Variants in CDH11 observed in about 807,000 individuals in gnomAD.
CDH11 encodes the protein cadherin 11, also known as cadherin-11.
In CDH11, 11 loss-of-function variants were observed where a neutral mutation model predicts 67.8. The observed-to-expected ratio is 0.16, with a 90% CI of 0.10 to 0.27. The LOEUF is 0.27. Among genes scored for constraint, CDH11 ranks in the 10% least tolerant of loss-of-function variants. CDH11 has a pLI of 1.00. For missense variants in CDH11, 847 were observed against 1,031.2 expected (o/e 0.82, Z 2.45); for synonymous variants, 419 against 400.0 (o/e 1.05, Z -0.57).
In CDH11 at chr16:64,950,919, G is replaced by A. The variant is rs1224561645; in HGVS notation, c.1742C>T (p.Pro581Leu). ...PIVISDGGIP[P>L]MSSTNTLTIK... is the part of the protein sequence containing the mutation. Reference sequence around the variant, plus strand: ...GGTGAGGGTGTTGGTGCTACTCATGGGCGGGATGCCGCCATCGCTGATCAC... The same window carrying A: ...GGTGAGGGTGTTGGTGCTACTCATGAGCGGGATGCCGCCATCGCTGATCAC... Residue 581 changes from proline to leucine, a missense_variant, in exon 12 of 13, where the codon CCC becomes CTC. By Grantham distance (98) the Pro-to-Leu change is moderately conservative. This residue lies in a region of CDH11 where 612 missense variants were observed against 678.7 expected (regional missense o/e 0.90). Coordinates refer to ENST00000268603, the MANE Select transcript of CDH11 (RefSeq NM_001797.4). 1 of 1,614,212 alleles carries A rather than the reference G, an allele frequency of 6.2e-7. No homozygotes were observed. Among genetic ancestry groups the A allele is most frequent in the Non-Finnish European group, 8.5e-7 (1 of 1,180,044 alleles).
chr16:64,950,635 C>T, intron 12 of CDH11, 132 bp downstream of exon 12: 1 of 1,097,948 alleles, frequency 9.1e-7, no homozygotes, highest in Admixed American at 2.8e-5. Flanking sequence ...CCGTACCCCA[C>T]TTCTTTTCTT....
rs550292892 is a variant in CDH11 at position 65,091,338 on chromosome 16, T to A, written c.-298+30542A>T. ...TAGTATTAATTCCAGAAAAGTGAGATGATTATTGTAAAATCTCAGCAGAAG... is the reference window on the plus strand; with the variant it reads ...TAGTATTAATTCCAGAAAAGTGAGAAGATTATTGTAAAATCTCAGCAGAAG... On this transcript the variant is annotated intron_variant, in intron 1 of 12. Coordinates refer to ENST00000268603, the MANE Select transcript of CDH11 (RefSeq NM_001797.4). 3.9e-5 allele frequency among the ~76,000 whole-genome samples: 6 copies of A among 152,352 alleles called. No homozygotes were observed. In the East Asian group the frequency reaches 1.2e-3, roughly 29 times the overall value.
chr16:65,004,728 G>A lies in CDH11; in HGVS notation c.142C>T (p.Leu48=). The change falls in exon 3 of 13, where the codon CTA becomes TTA. Residue 48 remains leucine, a synonymous_variant. Coordinates refer to ENST00000268603, the MANE Select transcript of CDH11 (RefSeq NM_001797.4). ...ACCCAGCCACGCTTGGAGCGCTGTAGCACCTGCCCCTCCTTGCCCTTCTCA... is the reference window on the plus strand; with the variant it reads ...ACCCAGCCACGCTTGGAGCGCTGTAACACCTGCCCCTCCTTGCCCTTCTCA... ...HHEKGKEGQV[L]QRSKRGWVWN... 1 of 1,613,912 alleles carries A rather than the reference G, an allele frequency of 6.2e-7. No individual in the cohort carries two copies.
intron 1 of CDH11, among the ~76,000 whole-genome samples, chr16:65,058,204 A>G (rs905456776): frequency 1.3e-5 from 2 of 152,206 alleles, no homozygotes; most frequent in African/African-American, 4.8e-5. Flanking sequence ...CCTGGGTGAC[A>G]AAGTGAGACC....
At chr16:64,977,952 T>G (rs35218) in intron 8 of CDH11, among the ~76,000 whole-genome samples, 1 of 152,114 alleles carries the variant, frequency 6.6e-6, no homozygotes, top group African/African-American at 2.4e-5. Context: ...ACACCACTTA[T>G]AGTTGGGAAT....
chr16:64,984,939 G>A (rs951560682), intron 7 of CDH11: 5 of 152,302 alleles, frequency 3.3e-5, no homozygotes, highest in Admixed American at 2.0e-4. Flanking sequence ...TATTAAAACA[G>A]GGAATATTAA....
intron 5 of CDH11, 107 bp from the exon 6 acceptor site, chr16:64,992,042 T>A (rs2072641026): frequency 1.5e-6 from 1 of 687,702 alleles, no homozygotes; most frequent in African/African-American, 1.7e-5. Flanking sequence ...TCCCATGCCC[T>A]CAGCAAGAAT....
intron 2 of CDH11, among the ~76,000 whole-genome samples, chr16:65,011,506 C>T (rs1161247510): frequency 6.6e-6 from 1 of 152,098 alleles, no homozygotes; most frequent in East Asian, 1.9e-4. Context: ...AGGCCCCAGA[C>T]CTAAAACTTG....
intron 2 of CDH11, among the ~76,000 whole-genome samples, chr16:65,040,595 T>A (rs2073849732): frequency 6.6e-6 from 1 of 152,124 alleles, no homozygotes; most frequent in South Asian, 2.1e-4. Flanking sequence ...TTAGGAGATA[T>A]ACCTAATGTT....
In CDH11 at chr16:64,991,814, C is replaced by T. The variant is rs1293927001; in HGVS notation, c.765G>A (p.Thr255=). 4 of 1,613,916 alleles carry T rather than the reference C, an allele frequency of 2.5e-6. No homozygotes were observed. The highest frequency in any genetic ancestry group is 2.2e-5 in the South Asian group (2 of 91,066). ...TGTCATTGACATCGGTCAGTGTGAT[C>T]GTCACTTTGGTTGTCCCTGAGAGTC... ...MGGLSGTTKV[T]ITLTDVNDNP... is the part of the protein sequence containing the mutation. The change falls in exon 6 of 13, where the codon ACG becomes ACA. Residue 255 remains threonine (T), a synonymous_variant. Coordinates refer to ENST00000268603, the MANE Select transcript of CDH11 (RefSeq NM_001797.4).
intron 4 of CDH11, among the ~76,000 whole-genome samples, chr16:64,995,510 TA>T (rs893090880): frequency 6.6e-6 from 1 of 152,136 alleles, no homozygotes; most frequent in African/African-American, 2.4e-5. Context: ...CCTTAATCAA[TA>T]AATAATGCTG....
chr16:65,009,797 T>C (rs2073138687), intron 2 of CDH11, among the ~76,000 whole-genome samples: 1 of 152,172 alleles, frequency 6.6e-6, no homozygotes, highest in Non-Finnish European at 1.5e-5. Context: ...AAATAAATGT[T>C]GTTGAAAGTC....
At chr16:64,988,456 A>G (rs752065443) in intron 6 of CDH11, 112 bp from the exon 7 acceptor site, 84 of 956,946 alleles carry the variant, frequency 8.8e-5, no homozygotes, top group Non-Finnish European at 9.7e-5. Flanking sequence ...TGAACTTTCT[A>G]TTGACTGAAA....
At chr16:65,115,829 C>T (rs902609378) in intron 1 of CDH11, among the ~76,000 whole-genome samples, 15 of 151,762 alleles carry the variant, frequency 9.9e-5, no homozygotes, top group African/African-American at 3.6e-4. Flanking sequence ...AATCCCAGCA[C>T]TTTGGGAGGC....
intron 1 of CDH11, among the ~76,000 whole-genome samples, chr16:65,078,030 T>C (rs570663628): frequency 6.6e-6 from 1 of 152,366 alleles, no homozygotes; most frequent in East Asian, 1.9e-4. Flanking sequence ...TTGTGAACTA[T>C]GATCACTTGC....
chr16:64,946,476 C>T lies in CDH11; in HGVS notation c.*1127G>A. 9.7e-7 allele frequency: 1 copy of T among 1,030,980 alleles called. No individual in the cohort carries two copies. Among genetic ancestry groups the T allele is most frequent in the Non-Finnish European group, 1.2e-6 (1 of 857,304 alleles). The allele number at this position is 1,030,980 out of a possible 1,614,324, so 63.9% of individuals were successfully genotyped here. ...TACAAGATAAATGCATACTATATAA[C>T]ACATATTGCAAAGTCATAGACTGAC... On this transcript the variant is annotated 3_prime_UTR_variant, in exon 13 of 13. Transcript: ENST00000268603.
chr16:64,972,876 G>T (rs749237461), intron 9 of CDH11, 28 bp downstream of exon 9: 13 of 1,610,066 alleles, frequency 8.1e-6, no homozygotes, highest in Non-Finnish European at 1.1e-5. Context: ...TGGTAAAGTA[G>T]AATCAAAACC....
chr16:65,092,649 T>G (rs16968461), intron 1 of CDH11, among the ~76,000 whole-genome samples: 35,709 of 152,002 alleles, frequency 0.23, 5,085 homozygotes, highest in Middle Eastern at 0.34. Context: ...CAGGTGTCCA[T>G]TCACCTAGTC....
chr16:65,008,882 A>T (rs1170001807), intron 2 of CDH11, among the ~76,000 whole-genome samples: 1 of 152,196 alleles, frequency 6.6e-6, no homozygotes, highest in Non-Finnish European at 1.5e-5. Flanking sequence ...TAATATAGTT[A>T]AAATTTACCG....
Sources: gnomAD v4.1 joint callset for allele counts (sites outside exome capture counted in the v4.1 genomes callset) on GRCh38, gnomAD v4.1.1 for gene constraint, gnomAD v4.1.1 regional missense constraint, MANE v1.5 for transcripts, NCBI Gene and HGNC (gene_info 2026-07-23, HGNC 2026-07-21) for gene names.